Variants in SH2D3A observed in about 807,000 individuals in gnomAD.
SH2D3A encodes SH2 domain-containing protein 3A.
Under a neutral mutation model 50.6 loss-of-function variants are expected in SH2D3A, and 46 were observed. The ratio of observed to expected loss-of-function variants is 0.91; its 90% CI spans 0.72 to 1.16. SH2D3A has a LOEUF of 1.16. Ranked by LOEUF, SH2D3A falls within the 50% of genes most tolerant of loss-of-function variation. The pLI, the probability that SH2D3A is intolerant of heterozygous loss-of-function variation, is 0.00. For missense variants in SH2D3A, 783 were observed against 786.2 expected (o/e 1.00, Z 0.05); for synonymous variants, 377 against 348.4 (o/e 1.08, Z -0.91).
chr19:6,755,301 G>C lies in SH2D3A; in HGVS notation c.511C>G (p.Pro171Ala). The change falls in exon 5 of 10, where the codon CCC becomes GCC. Residue 171 changes from proline to alanine, a missense_variant. Pro to Ala is a conservative substitution (Grantham distance 27). Transcript: ENST00000245908. ...CTCGTTCGGGGCAAGGCAGATATGG[G>C]CATGGTGGAGGCTTCTAGAGGTCAT... ...DPAGMEASTM[P>A]ISALPRTSSD... 6.6e-7 allele frequency: 1 copy of C among 1,513,318 alleles called. No individual in the cohort carries two copies. The highest frequency in any genetic ancestry group is 2.3e-5 in the East Asian group (1 of 43,924). 93.7% of individuals were successfully genotyped at this position (1,513,318 alleles called of 1,614,324 possible). A position where few individuals can be genotyped will look rare whatever the true frequency, so the allele number is the denominator to read the frequency against.
Position 6,760,738 on chromosome 19 carries a change from C to T in SH2D3A, c.319G>A (p.Gly107Arg), listed in dbSNP as rs1288112422. 6.2e-7 allele frequency: 1 copy of T among 1,613,882 alleles called. No individual in the cohort carries two copies. Among genetic ancestry groups the T allele is most frequent in the East Asian group, 2.2e-5 (1 of 44,908 alleles). The change falls in exon 3 of 10, where the codon GGG (glycine) becomes AGG (arginine). Residue 107 changes from glycine to arginine, a missense_variant. Transcript: ENST00000245908. ...TGRRPLSQAT[G>R]AVVSRPVTWQ... Reference sequence around the variant, plus strand: ...GTCACAGGCCTGGAGACCACAGCCCCTGTGGCCTGGGACAGTGGGCGCCTG... The same window carrying T: ...GTCACAGGCCTGGAGACCACAGCCCTTGTGGCCTGGGACAGTGGGCGCCTG...
At position 6,754,947 on chromosome 19, in the gene SH2D3A, G is replaced by A. The variant is rs1364242398; in HGVS notation, c.865C>T (p.Leu289=). The change falls in exon 5 of 10, where the codon CTG becomes TTG. Residue 289 remains leucine, a synonymous_variant. Transcript: ENST00000245908. The stretch of plus-strand genomic sequence containing the variant: ...AGGGGCCGATTCTGGGGGCCCAGCA[G>A]GCAGGAGGGGGCATCATGGGGGCAG... ...SFCPHDAPSC[L]LGPQNRPLEP... The A allele has an allele frequency of 6.2e-7, 1 of 1,613,886 alleles. No homozygotes were observed. Among genetic ancestry groups the A allele is most frequent in the Middle Eastern group, 1.7e-4 (1 of 6,060 alleles).
At position 6,754,138 on chromosome 19, in the gene SH2D3A, C is replaced by A; in HGVS notation, c.1298G>T (p.Arg433Leu). Residue 433 changes from arginine to leucine, a missense_variant, in exon 8 of 10, where the codon CGC becomes CTC. Transcript: ENST00000245908. ...PQVSRLEHTWRQLRRSHTEAA... is the reference protein window; with the variant it reads ...PQVSRLEHTWLQLRRSHTEAA... ...CTCCGTGTGGCTCCTTCGGAGCTGG[C>A]GCCACGTGTGCTCCAACCGGGACAC... 1 of 1,613,240 alleles carries A rather than the reference C, an allele frequency of 6.2e-7. No homozygotes were observed. Among genetic ancestry groups the A allele is most frequent in the South Asian group, 1.1e-5 (1 of 90,948 alleles).
Position 6,752,507 on chromosome 19 carries a change from C to CGAGGAGCCTGG in SH2D3A, c.*75_*85dup, listed in dbSNP as rs1192009050. The CGAGGAGCCTGG allele has an allele frequency of 7.8e-7, 1 of 1,275,990 alleles. No homozygotes were observed. Among genetic ancestry groups the CGAGGAGCCTGG allele is most frequent in the African/African-American group, 1.5e-5 (1 of 66,658 alleles). The allele number at this position is 1,275,990 out of a possible 1,614,324, so 79.0% of individuals were successfully genotyped here. On this transcript the variant is annotated 3_prime_UTR_variant, in exon 10 of 10. Coordinates refer to ENST00000245908, the MANE Select transcript of SH2D3A (RefSeq NM_005490.3). ...ACAGGGCAGGATTCCACCTGAGGCG[C>CGAGGAGCCTGG]GAGGAGCCTGGGACGACTCCTTTGG...
intron 9 of SH2D3A, 83 bp from the exon 10 acceptor site, chr19:6,752,836 C>T: frequency 7.0e-7 from 1 of 1,435,940 alleles, no homozygotes; most frequent in Non-Finnish European, 9.2e-7. Context: ...TTCCTTTCCC[C>T]AGAGGACTTT....
At chr19:6,753,243 T>C in intron 9 of SH2D3A, 4 of 985,216 alleles carry the variant, frequency 4.1e-6, no homozygotes, top group Non-Finnish European at 3.6e-6. Flanking sequence ...GACAGCCCGT[T>C]TTGAGGTGGA....
At position 6,755,287 on chromosome 19, in the gene SH2D3A, C is replaced by A; in HGVS notation, c.525G>T (p.Leu175Phe). The part of the protein sequence containing the change: ...MEASTMPISA[L>F]PRTSSDPVLL... ...ACACCGGGTCACTGCTCGTTCGGGG[C>A]AAGGCAGATATGGGCATGGTGGAGG... Residue 175 changes from leucine to phenylalanine, a missense_variant, in exon 5 of 10, where the codon TTG becomes TTT. By Grantham distance (22) the Leu-to-Phe change is conservative. Transcript: ENST00000245908. The A allele has an allele frequency of 1.3e-6, 2 of 1,517,626 alleles. No homozygotes were observed. The highest frequency in any genetic ancestry group is 1.8e-6 in the Non-Finnish European group (2 of 1,132,962). The allele number at this position is 1,517,626 out of a possible 1,614,324, so 94.0% of individuals were successfully genotyped here. A position where few individuals can be genotyped will look rare whatever the true frequency, so the allele number is the denominator to read the frequency against.
intron 2 of SH2D3A, among the ~76,000 whole-genome samples, chr19:6,761,505 T>G (rs1031354088): frequency 2.8e-4 from 43 of 152,186 alleles, no homozygotes; most frequent in African/African-American, 9.9e-4. Context: ...TGCTGACCAA[T>G]GCAACATCTA....
At chr19:6,763,535 C>T (rs1970143623) in intron 2 of SH2D3A, 145 bp downstream of exon 2, 2 of 566,912 alleles carry the variant, frequency 3.5e-6, no homozygotes, top group Non-Finnish European at 3.0e-6. Flanking sequence ...CCCAGCCAGC[C>T]AACCTTCAAG....
rs548861462 is a variant in SH2D3A, at chr19:6,755,279, G to A, written c.533C>T (p.Thr178Met). The stretch of plus-strand genomic sequence containing the variant: ...CTTCAGCAACACCGGGTCACTGCTC[G>A]TTCGGGGCAAGGCAGATATGGGCAT... ...STMPISALPR[T>M]SSDPVLLKAP... Residue 178 changes from threonine to methionine, a missense_variant, in exon 5 of 10, where the codon ACG becomes ATG. Coordinates refer to ENST00000245908, the MANE Select transcript of SH2D3A (RefSeq NM_005490.3). 6.6e-6 allele frequency: 10 copies of A among 1,521,258 alleles called. No homozygotes were observed. The highest frequency in any genetic ancestry group is 1.3e-5 in the South Asian group (1 of 76,148). 94.2% of individuals were successfully genotyped at this position (1,521,258 alleles called of 1,614,324 possible). A position where few individuals can be genotyped will look rare whatever the true frequency, so the allele number is the denominator to read the frequency against.
At chr19:6,756,314 A>G (rs566280051) in intron 4 of SH2D3A, among the ~76,000 whole-genome samples, 5 of 151,084 alleles carry the variant, frequency 3.3e-5, no homozygotes, top group Non-Finnish European at 5.9e-5. Flanking sequence ...ATATCTATAT[A>G]AAATATATAC....
At chr19:6,759,501 G>T (rs932607242) in intron 4 of SH2D3A, 93 bp downstream of exon 4, 2 of 1,055,288 alleles carry the variant, frequency 1.9e-6, no homozygotes, top group African/African-American at 1.6e-5. Flanking sequence ...AGAAATTGAG[G>T]CTCGAAGAGG....
chr19:6,754,510 C>A, intron 6 of SH2D3A, 85 bp from the exon 7 acceptor site: 1 of 1,564,438 alleles, frequency 6.4e-7, no homozygotes, highest in Non-Finnish European at 8.6e-7. Context: ...GGCATTGCCC[C>A]ATCTCCCTTC....
chr19:6,765,712 C>T (rs1171095835), intron 1 of SH2D3A, among the ~76,000 whole-genome samples: 2 of 144,206 alleles, frequency 1.4e-5, no homozygotes, highest in Non-Finnish European at 3.0e-5. Context: ...CACACCACTG[C>T]ACTCCAGCCT....
chr19:6,760,262 G>C (rs1599589765), intron 3 of SH2D3A, among the ~76,000 whole-genome samples: 2 of 152,228 alleles, frequency 1.3e-5, no homozygotes, highest in African/African-American at 2.4e-5. Flanking sequence ...TGTAATCCCA[G>C]CTACTCGGGA....
chr19:6,756,662 C>A (rs1271309795), intron 4 of SH2D3A, among the ~76,000 whole-genome samples: 1 of 152,010 alleles, frequency 6.6e-6, no homozygotes, highest in Non-Finnish European at 1.5e-5. Context: ...ACTGTATTTA[C>A]CATGCCTTTG....
chr19:6,759,512 T>G (rs1409344279), intron 4 of SH2D3A, 82 bp downstream of exon 4: 2 of 1,224,196 alleles, frequency 1.6e-6, no homozygotes. Context: ...CTCGAAGAGG[T>G]GCCTGCACCT....
rs1380335060 is a variant in SH2D3A, at chr19:6,753,068, G to T, written c.1571-315C>A. 1.0e-5 allele frequency: 10 copies of T among 985,220 alleles called. No homozygotes were observed. The East Asian group carries it at 1.0e-3, about 101-fold the overall frequency. The allele number at this position is 985,220 out of a possible 1,614,324, so 61.0% of individuals were successfully genotyped here. The stretch of plus-strand genomic sequence containing the variant: ...TGCCCCGAGGACGGGATCCCAGGTT[G>T]TCGGGGAAGGTGGGGGGATCTTGCC... On this transcript the variant is annotated intron_variant, in intron 9 of 9. Coordinates refer to ENST00000245908, the MANE Select transcript of SH2D3A (RefSeq NM_005490.3).
At chr19:6,764,872 ATTTTTTTTTT>A (rs55670461) in intron 1 of SH2D3A, among the ~76,000 whole-genome samples, 3 of 103,128 alleles carry the variant, frequency 2.9e-5, no homozygotes, top group African/African-American at 1.3e-4. Context: ...TACCTGGCTA[ATTTTTTTTTT>A]TTTTTTTTTT....
Sources: allele counts gnomAD v4.1 joint callset (sites outside exome capture counted in the v4.1 genomes callset), GRCh38; gene constraint gnomAD v4.1.1; transcripts MANE v1.5; gene names NCBI Gene and HGNC (gene_info 2026-07-23, HGNC 2026-07-21).